Variants in P2RY8 observed in about 807,000 individuals in gnomAD.
The protein encoded by P2RY8 is P2Y receptor family member 8.
Under a neutral mutation model 10.0 loss-of-function variants are expected in P2RY8, and 6 were observed. That is an observed-to-expected ratio of 0.60 (90% CI 0.33 to 1.19). The LOEUF (loss-of-function observed/expected upper bound fraction) is 1.19. Among genes scored for constraint, P2RY8 ranks in the 50% most tolerant of loss-of-function variants. The pLI, the probability that P2RY8 is intolerant of heterozygous loss-of-function variation, is 0.04. For missense variants in P2RY8, 456 were observed against 542.0 expected (o/e 0.84, Z 1.58); for synonymous variants, 276 against 252.5 (o/e 1.09, Z -0.88).
intron 1 of P2RY8, among the ~76,000 whole-genome samples, chrX:1,509,103 C>CTATG (rs1426879669): frequency 0.055 from 5,427 of 99,340 alleles, 8 homozygotes; most frequent in Middle Eastern, 0.12. Context: ...ATCTATGTAT[C>CTATG]TATCTATCTA....
intron 1 of P2RY8, among the ~76,000 whole-genome samples, chrX:1,510,041 CTCTATCTATCA>C (rs2092287644): frequency 6.6e-6 from 1 of 151,916 alleles, no homozygotes; most frequent in Admixed American, 6.6e-5. Flanking sequence ...TCTAACTATC[CTCTATCTATCA>C]TCTATCTATC....
intron 1 of P2RY8, among the ~76,000 whole-genome samples, chrX:1,509,178 T>TCTATCTATCTAG (rs1252384084): frequency 1.1e-4 from 17 of 151,828 alleles, no homozygotes; most frequent in African/African-American, 4.1e-4. Context: ...TATCTATCTA[T>TCTATCTATCTAG]CTATCTATCT....
chrX:1,498,186 C>T lies in P2RY8; in HGVS notation c.-24-31604G>A, dbSNP rs868644402. Among the ~76,000 whole-genome samples, 3 of 151,982 alleles carry T rather than the reference C, an allele frequency of 2.0e-5. No individual in the cohort carries two copies. In the South Asian group the frequency reaches 6.2e-4, roughly 32 times the overall value. On this transcript the variant is annotated intron_variant, in intron 1 of 1. Coordinates refer to ENST00000381297, the MANE Select transcript of P2RY8 (RefSeq NM_178129.5). ...CTTTGGGAGGCCGAGGCGGGCAGAT[C>T]GCGAGGTCAGGAGATCAAGACCATC...
intron 1 of P2RY8, among the ~76,000 whole-genome samples, chrX:1,497,234 AAAG>A (rs2092126041): frequency 1.7e-5 from 2 of 116,778 alleles, no homozygotes; most frequent in Non-Finnish European, 4.1e-5. Context: ...AAAAAAAAAA[AAAG>A]AAAAGAAAAA....
intron 1 of P2RY8, among the ~76,000 whole-genome samples, chrX:1,498,418 A>G (rs1187184226): frequency 2.0e-5 from 3 of 151,196 alleles, no homozygotes; most frequent in Non-Finnish European, 3.0e-5. Flanking sequence ...AAAAAAAAAA[A>G]AAAAAGAAAA....
At position 1,465,308 on chromosome X, in the gene P2RY8, G is replaced by A; in HGVS notation, c.*171C>T. The A allele has an allele frequency of 9.3e-7, 1 of 1,074,350 alleles. No homozygotes were observed. The highest frequency in any genetic ancestry group is 1.3e-6 in the Non-Finnish European group (1 of 768,556). The allele number at this position is 1,074,350 out of a possible 1,614,324, so 66.6% of individuals were successfully genotyped here. On this transcript the variant is annotated 3_prime_UTR_variant, in exon 2 of 2. Coordinates refer to ENST00000381297, the MANE Select transcript of P2RY8 (RefSeq NM_178129.5). ...AGCCTGGAGACCCTTCCTCACCGGTGCCTCTGCAGTGCCTGGGAGGAATAA... is the reference window on the plus strand; with the variant it reads ...AGCCTGGAGACCCTTCCTCACCGGTACCTCTGCAGTGCCTGGGAGGAATAA...
rs111296749 is a variant in P2RY8 at position 1,480,815 on chromosome X, TAAAATAAAAAG to T, written c.-24-14244_-24-14234del. Among the ~76,000 whole-genome samples, 503 of 149,480 alleles carry T rather than the reference TAAAATAAAAAG, an allele frequency of 3.4e-3. 2 individuals are homozygous for T. The highest frequency in any genetic ancestry group is 0.012 in the African/African-American group (492 of 40,630). On this transcript the variant is annotated intron_variant, in intron 1 of 1. Coordinates refer to ENST00000381297, the MANE Select transcript of P2RY8 (RefSeq NM_178129.5). ...TGCACATGTACCCCAGAACTTAAAG[TAAAATAAAAAG>T]AAAATAAAAGAACTTTTTTTAAAAC... is the stretch of plus-strand genomic sequence containing the variant.
At chrX:1,533,716 C>T (rs1265005245) in intron 1 of P2RY8, among the ~76,000 whole-genome samples, 7 of 111,556 alleles carry the variant, frequency 6.3e-5, no homozygotes, top group South Asian at 6.3e-4. Context: ...CTTATATATT[C>T]ATTATTTAAA....
At chrX:1,511,560 C>G (rs753389001) in intron 1 of P2RY8, among the ~76,000 whole-genome samples, 1 of 152,308 alleles carries the variant, frequency 6.6e-6, no homozygotes, top group South Asian at 2.1e-4. Flanking sequence ...CGGTCTGTCA[C>G]CTAGGCTGGA....
intron 1 of P2RY8, among the ~76,000 whole-genome samples, chrX:1,477,199 AAAG>A (rs1556675926): frequency 4.2e-4 from 63 of 148,476 alleles, no homozygotes; most frequent in East Asian, 7.9e-4. Context: ...AAAAAAAAAA[AAAG>A]AAGAAGAAGA....
intron 1 of P2RY8, among the ~76,000 whole-genome samples, chrX:1,470,094 C>T (rs1386105965): frequency 2.0e-5 from 3 of 152,138 alleles, no homozygotes; most frequent in Admixed American, 6.5e-5. Flanking sequence ...CATCATGGCT[C>T]ACACCTGTAA....
chrX:1,516,732 C>T (rs1426132536), intron 1 of P2RY8, among the ~76,000 whole-genome samples: 2 of 151,732 alleles, frequency 1.3e-5, no homozygotes, highest in Non-Finnish European at 2.9e-5. Context: ...TGATAGCAGC[C>T]TGAAATGGAC....
intron 1 of P2RY8, among the ~76,000 whole-genome samples, chrX:1,532,875 G>A (rs1248044498): frequency 6.6e-6 from 1 of 151,472 alleles, no homozygotes; most frequent in South Asian, 2.1e-4. Context: ...TGGCACATGC[G>A]TGTAATCCCA....
chrX:1,468,778 T>TC (rs757632081), intron 1 of P2RY8, among the ~76,000 whole-genome samples: 131 of 484 alleles, frequency 0.27, 32 homozygotes, highest in African/African-American at 0.42. Context: ...CTCTCCCCTC[T>TC]CCCTCTCCCC....
chrX:1,488,487 G>C (rs1284818136), intron 1 of P2RY8, among the ~76,000 whole-genome samples: 2 of 152,148 alleles, frequency 1.3e-5, no homozygotes, highest in Non-Finnish European at 2.9e-5. Flanking sequence ...GGCCCATGCA[G>C]CTCCTTATGC....
chrX:1,512,717 G>T (rs1200716352), intron 1 of P2RY8, among the ~76,000 whole-genome samples: 1 of 151,910 alleles, frequency 6.6e-6, no homozygotes, highest in African/African-American at 2.4e-5. Flanking sequence ...AAAGGGGAAA[G>T]TCCCCTTTAT....
chrX:1,523,131 G>GA (rs1448632857), intron 1 of P2RY8, among the ~76,000 whole-genome samples: 6 of 147,164 alleles, frequency 4.1e-5, no homozygotes, highest in African/African-American at 1.5e-4. Flanking sequence ...AACAAAAATT[G>GA]AAAAAAATAA....
chrX:1,519,419 A>G (rs1185471094), intron 1 of P2RY8, among the ~76,000 whole-genome samples: 1 of 151,704 alleles, frequency 6.6e-6, no homozygotes, highest in African/African-American at 2.4e-5. Context: ...CCTGCTCCCC[A>G]ATATTCTCTC....
intron 1 of P2RY8, among the ~76,000 whole-genome samples, chrX:1,480,091 T>C (rs1221917149): frequency 1.3e-5 from 2 of 152,136 alleles, no homozygotes; most frequent in African/African-American, 2.4e-5. Context: ...CTACCATTCC[T>C]TCCAGAAGAT....
Sources: gnomAD v4.1 joint callset for allele counts (sites outside exome capture counted in the v4.1 genomes callset) on GRCh38, gnomAD v4.1.1 for gene constraint, MANE v1.5 for transcripts, NCBI Gene and HGNC (gene_info 2026-07-23, HGNC 2026-07-21) for gene names.